LAMB4: variants seen among roughly 807,000 people sequenced by gnomAD.
The protein encoded by LAMB4 is laminin subunit beta-4.
LAMB4 carries 196 observed loss-of-function variants against 199.2 expected under a neutral mutation model. The observed-to-expected ratio is 0.98, with a 90% CI of 0.88 to 1.11. LAMB4 has a LOEUF of 1.11. Among genes scored for constraint, LAMB4 ranks in the 50% least tolerant of loss-of-function variants. The pLI is 0.00. For synonymous variants in LAMB4, 744 were observed against 770.6 expected (o/e 0.97, Z 0.57); for missense variants, 2,080 against 2,171.2 (o/e 0.96, Z 0.83).
At chr7:108,096,938 T>TC in intron 11 of LAMB4, among the ~76,000 whole-genome samples, 1 of 34,844 alleles carries the variant, frequency 2.9e-5, no homozygotes, top group Non-Finnish European at 4.8e-5. Context: ...TCTGTCTCTC[T>TC]CAAAAAAAAA....
chr7:108,069,785 A>C lies in LAMB4; in HGVS notation c.2225T>G (p.Met742Arg). Residue 742 changes from methionine to arginine, a missense_variant, in exon 18 of 34, where the codon ATG (methionine) becomes AGG (arginine). Met to Arg is a moderately conservative substitution (Grantham distance 91). Transcript: ENST00000388781. ...GGCACCCGGGAGCACTTGAGGTCCC[A>C]TTGCTGAGGCAATTTCAACACAGTT... ...LHNCVEIASA[M>R]GPQVLPGACE... The C allele has an allele frequency of 6.2e-7, 1 of 1,614,034 alleles. No individual in the cohort carries two copies. Among genetic ancestry groups the C allele is most frequent in the Non-Finnish European group, 8.5e-7 (1 of 1,179,898 alleles).
intron 17 of LAMB4, among the ~76,000 whole-genome samples, chr7:108,076,481 T>C (rs890834886): frequency 6.6e-6 from 1 of 152,198 alleles, no homozygotes. Context: ...AGCACTCTGA[T>C]TTCAATGATA....
At chr7:108,023,504 C>T (rs2034735147), downstream of LAMB4, 1 of 152,092 alleles carries the variant, frequency 6.6e-6, no homozygotes, top group Admixed American at 6.6e-5. Context: ...AACAGAATTC[C>T]CTGGCTGAGA....
chr7:108,039,392 A>T (rs1177619742), intron 29 of LAMB4, among the ~76,000 whole-genome samples: 3 of 151,812 alleles, frequency 2.0e-5, no homozygotes, highest in Non-Finnish European at 4.4e-5. Flanking sequence ...TGTGACAAGA[A>T]TTTTTTTGTG....
intron 1 of LAMB4, among the ~76,000 whole-genome samples, chr7:108,124,800 C>A (rs1409972480): frequency 6.6e-6 from 1 of 152,178 alleles, no homozygotes; most frequent in Non-Finnish European, 1.5e-5. Context: ...CCCTCCTACT[C>A]CCATATTCCC....
In LAMB4 at chr7:108,077,060, T is replaced by A; in HGVS notation, c.2008A>T (p.Met670Leu). The change falls in exon 17 of 34, where the codon ATG (methionine) becomes TTG (leucine). Residue 670 changes from methionine to leucine, a missense_variant. Transcript: ENST00000388781. ...AAACAGATGGGTGTGGGAAGCAGCA[T>A]GATTCTGTATTAAGAAAGATAAAGC... ...SFALPAATRIMLLPTPICLEP... is the reference protein window; with the variant it reads ...SFALPAATRILLLPTPICLEP... 1 of 1,613,344 alleles carries A rather than the reference T, an allele frequency of 6.2e-7. No individual in the cohort carries two copies.
chr7:108,063,649 GC>G, intron 22 of LAMB4, 111 bp downstream of exon 22: 1 of 932,808 alleles, frequency 1.1e-6, no homozygotes, highest in Non-Finnish European at 1.8e-6. Flanking sequence ...AGTGGGTGCT[GC>G]TTTTGCCTGC....
At position 108,068,154 on chromosome 7, in the gene LAMB4, T is replaced by A; in HGVS notation, c.2308A>T (p.Lys770Ter). 1 of 1,614,050 alleles carries A rather than the reference T, an allele frequency of 6.2e-7. No homozygotes were observed. Among genetic ancestry groups the A allele is most frequent in the Non-Finnish European group, 8.5e-7 (1 of 1,180,016 alleles). The change falls in exon 19 of 34, where the codon AAG becomes TAG. Residue 770 changes from lysine (K) to a stop codon, truncating the protein, a stop_gained. Transcript: ENST00000388781. LOFTEE classifies it high-confidence loss of function. ...AKLHDGAVACKCHPQGSVGSS... is the reference protein window; with the variant it reads ...AKLHDGAVAC ...CCGACTGAGCCCTGGGGGTGACACT[T>A]GCAGGCTGCAAGGAACAATGGAAGG...
chr7:108,017,525 C>G, the LAMB4 span, among the ~76,000 whole-genome samples: 1 of 152,170 alleles, frequency 6.6e-6, no homozygotes, highest in Non-Finnish European at 1.5e-5. Context: ...ATTTAGAGTG[C>G]TCCACACTGT....
chr7:108,066,534 C>T lies in LAMB4; in HGVS notation c.2513G>A (p.Cys838Tyr). The change falls in exon 20 of 34, where the codon TGC becomes TAC. Residue 838 changes from cysteine (C) to tyrosine (Y), a missense_variant. By Grantham distance (194) the Cys-to-Tyr change is radical (BLOSUM62 -2). Coordinates refer to ENST00000388781, the MANE Select transcript of LAMB4 (RefSeq NM_007356.3). ...GCGGCGGCCAGACACCTCTCCATGG[C>T]AGGGGCACTGTCCTGTTACTTGGTC... is the stretch of plus-strand genomic sequence containing the variant. ...VCDQVTGQCPCHGEVSGRRCD... is the reference protein window; with the variant it reads ...VCDQVTGQCPYHGEVSGRRCD... 6.2e-7 allele frequency: 1 copy of T among 1,613,986 alleles called. No individual in the cohort carries two copies. The highest frequency in any genetic ancestry group is 8.5e-7 in the Non-Finnish European group (1 of 1,179,964).
intron 1 of LAMB4, 44 bp from the exon 2 acceptor site, chr7:108,123,241 A>C (rs2038661340): frequency 2.5e-6 from 3 of 1,187,226 alleles, no homozygotes. Flanking sequence ...TAGAAGAAAT[A>C]ATTGCCATCA....
In LAMB4 at chr7:108,067,996, TTG is replaced by T. The variant is rs1446203646; in HGVS notation, c.2446+18_2446+19del. On this transcript the variant is annotated intron_variant, in intron 19 of 33. Coordinates refer to ENST00000388781, the MANE Select transcript of LAMB4 (RefSeq NM_007356.3). The stretch of plus-strand genomic sequence containing the variant: ...CAAGACTGTGAGCAAGTGTTTCCCC[TTG>T]TGTGTTTTGCTACGTACGGTGACAG... The T allele has an allele frequency of 6.2e-7, 1 of 1,614,124 alleles. No homozygotes were observed. Among genetic ancestry groups the T allele is most frequent in the Non-Finnish European group, 8.5e-7 (1 of 1,179,988 alleles).
chr7:108,086,568 C>G (rs867470773), intron 14 of LAMB4, among the ~76,000 whole-genome samples: 15 of 152,118 alleles, frequency 9.9e-5, no homozygotes, highest in African/African-American at 3.6e-4. Context: ...GCATGGCCCG[C>G]AATTTGAAAA....
At position 108,106,021 on chromosome 7, in the gene LAMB4, T is replaced by A; in HGVS notation, c.666A>T (p.Thr222=). 1 of 1,613,694 alleles carries A rather than the reference T, an allele frequency of 6.2e-7. No individual in the cohort carries two copies. Among genetic ancestry groups the A allele is most frequent in the Non-Finnish European group, 8.5e-7 (1 of 1,179,576 alleles). ...PYSPYIQDLV[T]LTNLRINFTK... ...TAAAGTTTATCCTCAGGTTTGTCAA[T>A]GTCACAAGGTCTAAAGAAAGGAAAA... Residue 222 remains threonine (T), a synonymous_variant, in exon 8 of 34, where the codon ACA becomes ACT. Coordinates refer to ENST00000388781, the MANE Select transcript of LAMB4 (RefSeq NM_007356.3).
At chr7:108,037,980 G>A (rs2035287661) in intron 29 of LAMB4, among the ~76,000 whole-genome samples, 1 of 152,154 alleles carries the variant, frequency 6.6e-6, no homozygotes, top group South Asian at 2.1e-4. Flanking sequence ...CACTGGAGAA[G>A]CTCTGCGTTT....
rs140000228 is a variant in LAMB4 at position 108,058,486 on chromosome 7, G to A, written c.3283-558C>T. Among the ~76,000 whole-genome samples, 937 of 152,240 alleles carry A rather than the reference G, an allele frequency of 6.2e-3. 9 individuals carry two copies. The highest frequency in any genetic ancestry group is 0.021 in the African/African-American group (889 of 41,520). On this transcript the variant is annotated intron_variant, in intron 23 of 33. Transcript: ENST00000388781. ...TCTTTACCCTCCCAACTGAACTCTTGACCAGCTTTTCTGAAAACTGAGGAG... is the reference window on the plus strand; with the variant it reads ...TCTTTACCCTCCCAACTGAACTCTTAACCAGCTTTTCTGAAAACTGAGGAG...
downstream of LAMB4, among the ~76,000 whole-genome samples, chr7:108,019,138 C>T (rs1394834379): frequency 6.6e-6 from 1 of 152,118 alleles, no homozygotes; most frequent in African/African-American, 2.4e-5. Context: ...TCTCATAGTT[C>T]TGTAGGTTAA....
chr7:108,062,738 A>T, intron 23 of LAMB4, 36 bp downstream of exon 23: 1 of 1,212,542 alleles, frequency 8.2e-7, no homozygotes, highest in Non-Finnish European at 1.1e-6. Flanking sequence ...TATCATGCTC[A>T]CTTTGAGTGC....
chr7:108,046,506 C>A (rs1000281679), intron 28 of LAMB4, among the ~76,000 whole-genome samples: 1 of 151,608 alleles, frequency 6.6e-6, no homozygotes, highest in Non-Finnish European at 1.5e-5. Flanking sequence ...AGGCTCTTTG[C>A]GTATTGTCAA....
Sources: gnomAD v4.1 joint callset for allele counts (sites outside exome capture counted in the v4.1 genomes callset) on GRCh38, gnomAD v4.1.1 for gene constraint, MANE v1.5 for transcripts, NCBI Gene and HGNC (gene_info 2026-07-23, HGNC 2026-07-21) for gene names.